The following TM7SF3 variants were observed in gnomAD, a reference collection of about 807,000 sequenced individuals.
TM7SF3 encodes seven span transmembrane protein.
TM7SF3 carries 60 observed loss-of-function variants against 65.5 expected under a neutral mutation model. The ratio of observed to expected loss-of-function variants is 0.92; its 90% confidence interval spans 0.74 to 1.14. The LOEUF (loss-of-function observed/expected upper bound fraction) is 1.14. Ranked by LOEUF, TM7SF3 falls within the 50% of genes most tolerant of loss-of-function variation. The pLI is 0.00. For missense variants in TM7SF3, 623 were observed against 684.8 expected (o/e 0.91, Z 1.01); for synonymous variants, 264 against 259.6 (o/e 1.02, Z -0.16).
At chr12:26,990,343 A>G in intron 6 of TM7SF3, 107 bp downstream of exon 6, 1 of 780,256 alleles carries the variant, frequency 1.3e-6, no homozygotes, top group Non-Finnish European at 2.1e-6. Flanking sequence ...AGAGAGTGGA[A>G]TAACGTAGGG....
At position 26,990,574 on chromosome 12, in the gene TM7SF3, C is replaced by T. The variant is rs780498465; in HGVS notation, c.744G>A (p.Pro248=). The T allele has an allele frequency of 1.1e-5, 18 of 1,613,860 alleles. No individual in the cohort carries two copies. The East Asian group carries it at 1.8e-4, about 16-fold the overall frequency. ...TGACATTGTATATGACACCTTGTCC[C>T]GGGAGGGAGGAGAAGGAAACACTTG... ...DKTSVSFSSL[P]GQGVIYNVIV... is the part of the protein sequence containing the mutation. The change falls in exon 6 of 12, where the codon CCG becomes CCA. Residue 248 remains proline (P), a synonymous_variant. Coordinates refer to ENST00000343028, the MANE Select transcript of TM7SF3 (RefSeq NM_016551.3).
Position 26,974,010 on chromosome 12 carries a change from G to C in TM7SF3, c.1668C>G (p.Phe556Leu), listed in dbSNP as rs759168174. The stretch of plus-strand genomic sequence containing the variant: ...TCTCTCCAGCTGGCTGCTCCTTCTG[G>C]AAGAGCCCTTTAATCTGGGTTAATC... ...YGRLTQIKGL[F>L]QKEQPAGERT... is the part of the protein sequence containing the mutation. The change falls in exon 12 of 12, where the codon TTC becomes TTG. Residue 556 changes from phenylalanine to leucine, a missense_variant. By Grantham distance (22) the Phe-to-Leu change is conservative. Coordinates refer to ENST00000343028, the MANE Select transcript of TM7SF3 (RefSeq NM_016551.3). The C allele has an allele frequency of 2.5e-6, 4 of 1,614,044 alleles. No individual in the cohort carries two copies. Among genetic ancestry groups the C allele is most frequent in the Non-Finnish European group, 2.5e-6 (3 of 1,180,044 alleles).
At chr12:27,005,223 A>T (rs75794917) in intron 1 of TM7SF3, among the ~76,000 whole-genome samples, 18,428 of 152,186 alleles carry the variant, frequency 0.12, 1,368 homozygotes, top group Non-Finnish European at 0.17. Flanking sequence ...CTGCTTTCCT[A>T]GAAATTAATC....
intron 6 of TM7SF3, chr12:26,983,410 T>C (rs1939902766): frequency 2.8e-6 from 1 of 354,496 alleles, no homozygotes; most frequent in South Asian, 2.2e-5. Flanking sequence ...ATTAAAGAAA[T>C]ATTTTCAATA....
chr12:27,012,711 T>C (rs1285982954), intron 1 of TM7SF3: 1 of 456,002 alleles, frequency 2.2e-6, no homozygotes, highest in South Asian at 1.5e-5. Flanking sequence ...AAGAATTACC[T>C]GAAATCGGCC....
rs111831705 is a variant in TM7SF3, at chr12:27,009,401, G to A, written c.91+4677C>T. On this transcript the variant is annotated intron_variant, in intron 1 of 11. Coordinates refer to ENST00000343028, the MANE Select transcript of TM7SF3 (RefSeq NM_016551.3). The stretch of plus-strand genomic sequence containing the variant: ...AGAATTTTGTAATCTATGAATTTCC[G>A]ATATTCCTCTATTTCTTTAGTTTCT... Among the ~76,000 whole-genome samples the A allele has an allele frequency of 2.0e-3, 299 of 152,146 alleles. 2 individuals carry two copies. The highest frequency in any genetic ancestry group is 6.9e-3 in the African/African-American group (285 of 41,502).
intron 1 of TM7SF3, among the ~76,000 whole-genome samples, chr12:27,012,013 T>A (rs527835469): frequency 1.3e-5 from 2 of 152,326 alleles, no homozygotes; most frequent in African/African-American, 4.8e-5. Flanking sequence ...AACTCTAATA[T>A]CTCAAATTCT....
At position 26,999,604 on chromosome 12, in the gene TM7SF3, T is replaced by C; in HGVS notation, c.319A>G (p.Thr107Ala). ...LVFILRPEQS[T>A]CTWYLGTSGI... is the part of the protein sequence containing the mutation. ...GAAGTCCCCAAGTACCAAGTGCATG[T>C]ACTCTGCTCTGGTCTAAGGATGAAA... The change falls in exon 3 of 12, where the codon ACA becomes GCA. Residue 107 changes from threonine to alanine, a missense_variant. By Grantham distance (58) the Thr-to-Ala change is moderately conservative. Transcript: ENST00000343028. The C allele has an allele frequency of 1.2e-6, 2 of 1,614,150 alleles. No homozygotes were observed. Among genetic ancestry groups the C allele is most frequent in the Non-Finnish European group, 1.7e-6 (2 of 1,179,992 alleles).
At position 26,976,287 on chromosome 12, in the gene TM7SF3, T is replaced by C. The variant is rs764379590; in HGVS notation, c.1260A>G (p.Pro420=). The stretch of plus-strand genomic sequence containing the variant: ...TTCTTAGGCAGCCCATGAAAACTAC[T>C]GGAATGAGGATAGCTATGCAAGAGA... ...VTFSCIAILI[P]VVFMGCLRIL... Residue 420 remains proline, a synonymous_variant, in exon 10 of 12, where the codon CCA becomes CCG. Coordinates refer to ENST00000343028, the MANE Select transcript of TM7SF3 (RefSeq NM_016551.3). The C allele has an allele frequency of 6.2e-7, 1 of 1,613,772 alleles. No individual in the cohort carries two copies. Among genetic ancestry groups the C allele is most frequent in the South Asian group, 1.1e-5 (1 of 91,066 alleles).
chr12:27,010,247 T>G (rs984651250), intron 1 of TM7SF3, among the ~76,000 whole-genome samples: 1 of 152,238 alleles, frequency 6.6e-6, no homozygotes, highest in Admixed American at 6.5e-5. Flanking sequence ...TTAATTTCCA[T>G]TAGCTTTCCT....
In TM7SF3 at chr12:26,985,621, CAAAAAAAAAAAAAAAAAA is replaced by C. The variant is rs544145636; in HGVS notation, c.869-2780_869-2763del. 5.2e-3 allele frequency among the ~76,000 whole-genome samples: 317 copies of C among 60,970 alleles called. 2 individuals carry two copies. The highest frequency in any genetic ancestry group is 0.018 in the South Asian group (28 of 1,524). 40.0% of individuals were successfully genotyped at this position (60,970 alleles called of 152,430 possible). ...GCCTGGGTGACAAGAGTGAGACTGT[CAAAAAAAAAAAAAAAAAA>C]AAAAAAAAAAAAAATATATATATAT... On this transcript the variant is annotated intron_variant, in intron 6 of 11. Transcript: ENST00000343028.
intron 4 of TM7SF3, among the ~76,000 whole-genome samples, chr12:26,996,027 A>G (rs1565880757): frequency 1.3e-5 from 2 of 152,148 alleles, no homozygotes; most frequent in Non-Finnish European, 2.9e-5. Flanking sequence ...TTTTTTTTAA[A>G]AAAAAGCTGG....
In TM7SF3 at chr12:26,990,575, G is replaced by A. The variant is rs10771314; in HGVS notation, c.743C>T (p.Pro248Leu). ...GACATTGTATATGACACCTTGTCCCGGGAGGGAGGAGAAGGAAACACTTGT... is the reference window on the plus strand; with the variant it reads ...GACATTGTATATGACACCTTGTCCCAGGAGGGAGGAGAAGGAAACACTTGT... ...DKTSVSFSSL[P>L]GQGVIYNVIV... The change falls in exon 6 of 12, where the codon CCG becomes CTG. Residue 248 changes from proline (P) to leucine (L), a missense_variant. Transcript: ENST00000343028. 150,138 of 1,613,670 alleles carry A rather than the reference G, an allele frequency of 0.093. 7,595 individuals carry two copies. Among genetic ancestry groups the A allele is most frequent in the Non-Finnish European group, 0.1 (120,107 of 1,179,634 alleles).
Position 26,977,908 on chromosome 12 carries a change from TA to T in TM7SF3, c.1190-1552del, listed in dbSNP as rs1939642657. On this transcript the variant is annotated intron_variant, in intron 9 of 11. Transcript: ENST00000343028. ...GCCTGAGCCCAGTTTAAGACCACCC[TA>T]GGCAACAGTGAGACTCTGTCTCTAC... 26 of 305,810 alleles carry T rather than the reference TA, an allele frequency of 8.5e-5. No individual in the cohort carries two copies. The Admixed American group carries it at 1.1e-3, about 13-fold the overall frequency. The allele number at this position is 305,810 out of a possible 1,614,324, so 18.9% of individuals were successfully genotyped here.
chr12:26,991,793 C>T lies in TM7SF3; in HGVS notation c.691-1166G>A, dbSNP rs1293843471. 3.3e-5 allele frequency among the ~76,000 whole-genome samples: 5 copies of T among 152,310 alleles called. No homozygotes were observed. In the East Asian group the frequency reaches 9.7e-4, roughly 29 times the overall value. The stretch of plus-strand genomic sequence containing the variant: ...AATATCAACAATTGTTAATATTTTA[C>T]ATTTGCTTCTCTATCACTAGTTTCT... On this transcript the variant is annotated intron_variant, in intron 5 of 11. Coordinates refer to ENST00000343028, the MANE Select transcript of TM7SF3 (RefSeq NM_016551.3).
rs762546062 is a variant in TM7SF3 at position 26,975,600 on chromosome 12, C to A, written c.1346G>T (p.Ser449Ile). ...GSYSVVLAIDSYWSTSLSYIT... is the reference protein window; with the variant it reads ...GSYSVVLAIDIYWSTSLSYIT... ...GTAGGAAAGGCTTGTGGACCAGTAACTGTCAATGGCTAAAACCACCGAATA... is the reference window on the plus strand; with the variant it reads ...GTAGGAAAGGCTTGTGGACCAGTAAATGTCAATGGCTAAAACCACCGAATA... The change falls in exon 11 of 12, where the codon AGT becomes ATT. Residue 449 changes from serine (S) to isoleucine (I), a missense_variant. By Grantham distance (142) the Ser-to-Ile change is moderately radical. Coordinates refer to ENST00000343028, the MANE Select transcript of TM7SF3 (RefSeq NM_016551.3). 3 of 1,613,976 alleles carry A rather than the reference C, an allele frequency of 1.9e-6. No homozygotes were observed.
At chr12:26,998,241 A>G (rs1403815061) in intron 3 of TM7SF3, among the ~76,000 whole-genome samples, 2 of 152,162 alleles carry the variant, frequency 1.3e-5, no homozygotes, top group Non-Finnish European at 2.9e-5. Context: ...ACAGTGCCTG[A>G]CACATAGTAG....
chr12:27,003,786 T>C (rs1940927160), intron 1 of TM7SF3, among the ~76,000 whole-genome samples: 1 of 152,204 alleles, frequency 6.6e-6, no homozygotes, highest in African/African-American at 2.4e-5. Flanking sequence ...CATAACCGTC[T>C]AGTGAATTCT....
chr12:26,974,442 A>C (rs937239578), intron 11 of TM7SF3, among the ~76,000 whole-genome samples: 8 of 152,162 alleles, frequency 5.3e-5, no homozygotes, highest in African/African-American at 1.7e-4. Flanking sequence ...TATTACAGGC[A>C]TTTGAAAGTC....
Sources: gnomAD v4.1 joint callset for allele counts (sites outside exome capture counted in the v4.1 genomes callset) on GRCh38, gnomAD v4.1.1 for gene constraint, MANE v1.5 for transcripts, NCBI Gene and HGNC (gene_info 2026-07-23, HGNC 2026-07-21) for gene names.